ANKS1A: variants seen among roughly 807,000 people sequenced by gnomAD.
The protein encoded by ANKS1A is ankyrin repeat and sterile alpha motif domain containing 1A, also known as ankyrin repeat and SAM domain-containing protein 1A.
A neutral mutation model predicts 120.3 loss-of-function variants in ANKS1A; 55 were observed. The observed-to-expected ratio is 0.46, with a 90% confidence interval of 0.37 to 0.57. The LOEUF is 0.57. Ranked by LOEUF, ANKS1A falls within the 20% of genes least tolerant of loss-of-function variation. The probability of loss-of-function intolerance (pLI) is 0.00; values close to 1 mark genes in which losing one functional copy is unlikely to be tolerated. For synonymous variants in ANKS1A, 590 were observed against 604.7 expected (o/e 0.98, Z 0.36); for missense variants, 1,123 against 1,480.3 (o/e 0.76, Z 3.96).
chr6:35,075,662 C>G (rs1777312108), intron 13 of ANKS1A, among the ~76,000 whole-genome samples: 1 of 152,206 alleles, frequency 6.6e-6, no homozygotes, highest in Non-Finnish European at 1.5e-5. Context: ...GATCTGCCCA[C>G]TTCGATCTCC....
intron 1 of ANKS1A, among the ~76,000 whole-genome samples, chr6:34,958,859 T>A (rs181624915): frequency 6.6e-6 from 1 of 152,338 alleles, no homozygotes; most frequent in East Asian, 1.9e-4. Context: ...TCTGTTCCTA[T>A]TTCCCTTAAG....
intron 13 of ANKS1A, among the ~76,000 whole-genome samples, chr6:35,068,796 T>C (rs930617952): frequency 6.6e-6 from 1 of 152,110 alleles, no homozygotes; most frequent in South Asian, 2.1e-4. Context: ...CTGTGACTGA[T>C]GGGGCAGTCA....
rs185777289 is a variant in ANKS1A at position 34,931,293 on chromosome 6, C to T, written c.198-35946C>T. Among the ~76,000 whole-genome samples the T allele has an allele frequency of 3.9e-5, 6 of 152,066 alleles. No homozygotes were observed. In the East Asian group the frequency reaches 1.2e-3, roughly 29 times the overall value. ...TCCTGAGTAGCTGGAATTATAGGCA[C>T]TCACCACCACACCTGGCTAATTTTT... On this transcript the variant is annotated intron_variant, in intron 1 of 23. Coordinates refer to ENST00000360359, the MANE Select transcript of ANKS1A (RefSeq NM_015245.3).
rs59966688 is a variant in ANKS1A at position 35,061,120 on chromosome 6, C to G, written c.2184+867C>G. ...TAGCTCATTGAATCTTCCCAGCAGC[C>G]CTGGGATGTGGACTCGTATTAATCC... On this transcript the variant is annotated intron_variant, in intron 13 of 23. Coordinates refer to ENST00000360359, the MANE Select transcript of ANKS1A (RefSeq NM_015245.3). 4.7e-3 allele frequency among the ~76,000 whole-genome samples: 711 copies of G among 152,302 alleles called. 9 individuals are homozygous for G. Among genetic ancestry groups the G allele is most frequent in the African/African-American group, 0.015 (618 of 41,564 alleles).
At chr6:35,016,295 T>G (rs1053279268) in intron 10 of ANKS1A, among the ~76,000 whole-genome samples, 1 of 152,212 alleles carries the variant, frequency 6.6e-6, no homozygotes, top group African/African-American at 2.4e-5. Flanking sequence ...GGTTCTAAGA[T>G]TCTCTGAGCT....
intron 1 of ANKS1A, among the ~76,000 whole-genome samples, chr6:34,916,944 T>C (rs544393870): frequency 1.3e-5 from 2 of 152,340 alleles, no homozygotes; most frequent in South Asian, 4.1e-4. Context: ...AATGTGGTTG[T>C]CCTCATTAAT....
intron 3 of ANKS1A, among the ~76,000 whole-genome samples, chr6:34,976,381 G>GT (rs1386256138): frequency 2.0e-5 from 3 of 152,112 alleles, no homozygotes; most frequent in African/African-American, 7.2e-5. Context: ...ACAAGTCGGT[G>GT]TAAACCAGCC....
At chr6:35,019,624 G>T (rs1197871552) in intron 11 of ANKS1A, among the ~76,000 whole-genome samples, 1 of 152,162 alleles carries the variant, frequency 6.6e-6, no homozygotes, top group Non-Finnish European at 1.5e-5. Flanking sequence ...GGGGAGGGGG[G>T]TGCCAGGAGA....
chr6:34,991,294 A>G (rs903528626), intron 9 of ANKS1A, among the ~76,000 whole-genome samples: 8 of 152,232 alleles, frequency 5.3e-5, no homozygotes, highest in Admixed American at 4.6e-4. Flanking sequence ...TCACACACAT[A>G]CACATGCTGT....
At chr6:34,901,968 C>T (rs1207278970) in intron 1 of ANKS1A, among the ~76,000 whole-genome samples, 1 of 152,194 alleles carries the variant, frequency 6.6e-6, no homozygotes, top group Non-Finnish European at 1.5e-5. Context: ...GTCCTATATA[C>T]CTAACAGTAA....
chr6:35,045,556 G>A (rs1325059862), intron 11 of ANKS1A, among the ~76,000 whole-genome samples: 1 of 152,140 alleles, frequency 6.6e-6, no homozygotes, highest in African/African-American at 2.4e-5. Context: ...CAATGTTCTC[G>A]ATCCAGTACA....
At chr6:34,897,381 A>G (rs1209018348) in intron 1 of ANKS1A, among the ~76,000 whole-genome samples, 1 of 152,176 alleles carries the variant, frequency 6.6e-6, no homozygotes, top group Admixed American at 6.5e-5. Context: ...ACAGCTGTGA[A>G]TTCTGGTTTG....
At chr6:35,003,663 C>A (rs527434478) in intron 10 of ANKS1A, among the ~76,000 whole-genome samples, 74 of 152,242 alleles carry the variant, frequency 4.9e-4, no homozygotes, top group African/African-American at 1.8e-3. Context: ...TGTACTTCTT[C>A]AAGTGATAAA....
rs559101874 is a variant in ANKS1A, at chr6:35,073,420, G to A, written c.2185-5138G>A. On this transcript the variant is annotated intron_variant, in intron 13 of 23. Coordinates refer to ENST00000360359, the MANE Select transcript of ANKS1A (RefSeq NM_015245.3). The stretch of plus-strand genomic sequence containing the variant: ...TTCCTCTGCAAAGCGGGGAGCAGTC[G>A]GACACCTGCCGGCGATATGAAGTCT... 2.6e-5 allele frequency among the ~76,000 whole-genome samples: 4 copies of A among 152,312 alleles called. No individual in the cohort carries two copies. In the East Asian group the frequency reaches 7.7e-4, roughly 29 times the overall value.
chr6:35,003,129 A>C (rs758879367), intron 10 of ANKS1A, among the ~76,000 whole-genome samples: 1 of 152,036 alleles, frequency 6.6e-6, no homozygotes, highest in Non-Finnish European at 1.5e-5. Flanking sequence ...TGCTTCCCGC[A>C]AAAAGAAAAG....
intron 1 of ANKS1A, among the ~76,000 whole-genome samples, chr6:34,936,043 C>T (rs2127478232): frequency 9.1e-6 from 1 of 110,264 alleles, no homozygotes; most frequent in South Asian, 2.9e-4. Context: ...GCCTGGGCGA[C>T]AGAGCGAGAC....
chr6:34,897,023 C>T (rs1258059600), intron 1 of ANKS1A, among the ~76,000 whole-genome samples: 1 of 152,128 alleles, frequency 6.6e-6, no homozygotes, highest in Non-Finnish European at 1.5e-5. Flanking sequence ...GTGGCCCCAG[C>T]TACTCAGGAG....
At chr6:34,918,843 T>C (rs1214035776) in intron 1 of ANKS1A, among the ~76,000 whole-genome samples, 1 of 152,020 alleles carries the variant, frequency 6.6e-6, no homozygotes, top group Non-Finnish European at 1.5e-5. Flanking sequence ...TTATATACAC[T>C]TTATTTTTTT....
chr6:35,088,643 T>C lies in ANKS1A; in HGVS notation c.*34T>C, dbSNP rs768090956. The C allele has an allele frequency of 7.4e-6, 12 of 1,614,046 alleles. No individual in the cohort carries two copies. Among genetic ancestry groups the C allele is most frequent in the Non-Finnish European group, 9.3e-6 (11 of 1,180,030 alleles). ...GGAACCACACTGTGCTGCGGAAACA[T>C]AGACGTGGGGGCATAGGCTCCCACT... On this transcript the variant is annotated 3_prime_UTR_variant, in exon 24 of 24. Transcript: ENST00000360359.
Sources: gnomAD v4.1 joint callset for allele counts (sites outside exome capture counted in the v4.1 genomes callset) on GRCh38, gnomAD v4.1.1 for gene constraint, MANE v1.5 for transcripts, NCBI Gene and HGNC (gene_info 2026-07-23, HGNC 2026-07-21) for gene names.